The following CCDC192 variants were observed in gnomAD, a reference collection of about 807,000 sequenced individuals.
The protein encoded by CCDC192 is coiled-coil domain-containing protein 192.
intron 5 of CCDC192, among the ~76,000 whole-genome samples, chr5:127,811,261 T>C (rs1758067848): frequency 6.6e-6 from 1 of 152,184 alleles, no homozygotes; most frequent in South Asian, 2.1e-4. Flanking sequence ...TGTTGGGGCA[T>C]TTTCAGGTTG....
intron 6 of CCDC192, among the ~76,000 whole-genome samples, chr5:127,900,389 G>T (rs1213952362): frequency 2.6e-5 from 4 of 152,140 alleles, no homozygotes; most frequent in African/African-American, 9.7e-5. Context: ...GCAGATTCAA[G>T]GATATAGGAT....
At position 127,743,917 on chromosome 5, in the gene CCDC192, C is replaced by G. The variant is rs7737757; in HGVS notation, c.115-10351C>G. On this transcript the variant is annotated intron_variant, in intron 2 of 6. Transcript: ENST00000514853. ...CATCCTGGCTTAACACGGTGAAACC[C>G]CGTCTCTGCTAAAAAAATACAAAAA... Among the ~76,000 whole-genome samples, 1,043 of 151,874 alleles carry G rather than the reference C, an allele frequency of 6.9e-3. 14 individuals carry two copies. The highest frequency in any genetic ancestry group is 0.024 in the African/African-American group (984 of 41,428).
chr5:127,746,849 A>G (rs894574958), intron 2 of CCDC192, among the ~76,000 whole-genome samples: 20 of 152,122 alleles, frequency 1.3e-4, no homozygotes, highest in African/African-American at 4.8e-4. Flanking sequence ...TTCTGTTTAT[A>G]TCAGAGGCCA....
intron 5 of CCDC192, among the ~76,000 whole-genome samples, chr5:127,863,536 T>C (rs924710988): frequency 6.6e-6 from 1 of 152,206 alleles, no homozygotes; most frequent in African/African-American, 2.4e-5. Context: ...GAATTTTAGT[T>C]GCCAGAGGCT....
At chr5:127,719,831 G>GCT (rs1554068200) in intron 2 of CCDC192, among the ~76,000 whole-genome samples, 1 of 66,814 alleles carries the variant, frequency 1.5e-5, no homozygotes, top group Non-Finnish European at 3.4e-5. Flanking sequence ...TCAGAGGAAG[G>GCT]GGCGGGGGAG....
chr5:127,930,063 T>C (rs1753976115), intron 6 of CCDC192, among the ~76,000 whole-genome samples: 1 of 152,000 alleles, frequency 6.6e-6, no homozygotes, highest in Non-Finnish European at 1.5e-5. Context: ...GTTAGCCAGG[T>C]GTGGTGGCGC....
intron 6 of CCDC192, among the ~76,000 whole-genome samples, chr5:127,904,498 T>A (rs1409289276): frequency 2.2e-5 from 2 of 92,776 alleles, no homozygotes; most frequent in African/African-American, 8.7e-5. Context: ...GCAGAGACTT[T>A]TTTTTTTTTT....
At chr5:127,783,648 G>C (rs1236673426) in intron 3 of CCDC192, among the ~76,000 whole-genome samples, 1 of 152,140 alleles carries the variant, frequency 6.6e-6, no homozygotes, top group Admixed American at 6.5e-5. Context: ...TTTGTTCCAA[G>C]GTATAGCTTA....
In CCDC192 at chr5:127,785,234, A is replaced by G. The variant is rs73345059; in HGVS notation, c.223-11869A>G. On this transcript the variant is annotated intron_variant, in intron 3 of 6. Coordinates refer to ENST00000514853, the MANE Select transcript of CCDC192 (RefSeq NM_001317938.2). Reference sequence around the variant, plus strand: ...TTTCAGCCACTGTGACAGCTGGCATAGAAAGCTGTGAATTGCCGATAACTA... The same window carrying G: ...TTTCAGCCACTGTGACAGCTGGCATGGAAAGCTGTGAATTGCCGATAACTA... 1,122 of 517,684 alleles carry G rather than the reference A, an allele frequency of 2.2e-3. 8 individuals are homozygous for G. Among genetic ancestry groups the G allele is most frequent in the African/African-American group, 0.018 (930 of 51,760 alleles). The allele number at this position is 517,684 out of a possible 1,614,324, so 32.1% of individuals were successfully genotyped here.
intron 3 of CCDC192, chr5:127,785,414 T>C (rs1756484506): frequency 5.4e-6 from 2 of 373,420 alleles, no homozygotes; most frequent in Non-Finnish European, 1.1e-5. Flanking sequence ...CACCAGTGTC[T>C]TGAAACATCC....
chr5:127,911,801 G>A (rs1433618194), intron 6 of CCDC192, among the ~76,000 whole-genome samples: 1 of 151,166 alleles, frequency 6.6e-6, no homozygotes, highest in African/African-American at 2.4e-5. Flanking sequence ...TGAACTTCTG[G>A]GCTCAAGCAA....
chr5:127,893,062 G>A (rs1331737132), intron 6 of CCDC192, among the ~76,000 whole-genome samples: 7 of 152,188 alleles, frequency 4.6e-5, no homozygotes, highest in Middle Eastern at 3.2e-3. Flanking sequence ...AGTCTCCATA[G>A]CAGAAAGCCC....
At chr5:127,919,071 ATATGTGTGTGTGTG>A (rs1561551740) in intron 6 of CCDC192, among the ~76,000 whole-genome samples, 223 of 132,370 alleles carry the variant, frequency 1.7e-3, no homozygotes, top group African/African-American at 6.1e-3. Flanking sequence ...GTGTGTGTAT[ATATGTGTGTGTGTG>A]TGTGTGTGTG....
chr5:127,807,004 A>G (rs1023863552), intron 5 of CCDC192, among the ~76,000 whole-genome samples: 1 of 152,110 alleles, frequency 6.6e-6, no homozygotes, highest in African/African-American at 2.4e-5. Context: ...CTCTGATACC[A>G]TCTGTGGACC....
intron 5 of CCDC192, among the ~76,000 whole-genome samples, chr5:127,843,668 C>G (rs936422277): frequency 1.3e-5 from 2 of 152,066 alleles, no homozygotes; most frequent in African/African-American, 4.8e-5. Flanking sequence ...GAACTCCTGA[C>G]CTCAGGTGAT....
intron 5 of CCDC192, among the ~76,000 whole-genome samples, chr5:127,815,792 T>C (rs1748990512): frequency 6.6e-6 from 1 of 151,588 alleles, no homozygotes; most frequent in East Asian, 1.9e-4. Context: ...GGCATGAACC[T>C]GGGAGGCGGA....
At chr5:127,921,157 GAGAAAAGAAA>G (rs144541021) in intron 6 of CCDC192, among the ~76,000 whole-genome samples, 3 of 147,358 alleles carry the variant, frequency 2.0e-5, no homozygotes, top group Non-Finnish European at 3.0e-5. Flanking sequence ...GAAAGGAAAG[GAGAAAAGAAA>G]AGAAAAGAAA....
intron 2 of CCDC192, among the ~76,000 whole-genome samples, chr5:127,713,265 G>GGCT (rs1312259746): frequency 6.6e-6 from 1 of 151,888 alleles, no homozygotes. Context: ...CGTTCTAATA[G>GGCT]GCTTAGTTAT....
chr5:127,758,189 T>C (rs1240867495), intron 3 of CCDC192, among the ~76,000 whole-genome samples: 1 of 152,188 alleles, frequency 6.6e-6, no homozygotes, highest in Non-Finnish European at 1.5e-5. Context: ...AGGTGCCTAG[T>C]GTTGTTACCT....
Sources: gnomAD v4.1 joint callset for allele counts (sites outside exome capture counted in the v4.1 genomes callset) on GRCh38, gnomAD v4.1.1 for gene constraint, MANE v1.5 for transcripts, NCBI Gene and HGNC (gene_info 2026-07-23, HGNC 2026-07-21) for gene names.